The following CCDC88A variants were observed in gnomAD, a reference collection of about 807,000 sequenced individuals.
CCDC88A encodes the protein girdin.
In CCDC88A, 54 loss-of-function variants were observed where a neutral mutation model predicts 234.3. The observed-to-expected ratio is 0.23, with a 90% confidence interval of 0.19 to 0.29. CCDC88A has a LOEUF of 0.29. CCDC88A is among the 10% of genes least tolerant of loss of function. CCDC88A has a pLI of 1.00. For synonymous variants in CCDC88A, 753 were observed against 737.8 expected (o/e 1.02, Z -0.33); for missense variants, 1,832 against 2,123.4 (o/e 0.86, Z 2.70).
intron 2 of CCDC88A, chr2:55,418,170 T>G (rs143662755): frequency 6.6e-6 from 1 of 152,276 alleles, no homozygotes; most frequent in African/African-American, 2.4e-5. Context: ...TAAGTCGTTA[T>G]CTAATTGTTA....
chr2:55,321,250 T>C (rs1683597685), intron 18 of CCDC88A: 1 of 152,014 alleles, frequency 6.6e-6, no homozygotes, highest in South Asian at 2.1e-4. Context: ...TCTATGAACA[T>C]GTTTAAAAAT....
At chr2:55,340,669 A>G (rs1288760585) in intron 12 of CCDC88A, among the ~76,000 whole-genome samples, 1 of 152,216 alleles carries the variant, frequency 6.6e-6, no homozygotes, top group East Asian at 1.9e-4. Context: ...ATACACTACT[A>G]CTTATTTTGG....
At chr2:55,301,038 A>T (rs1284949462) in intron 28 of CCDC88A, 168 bp downstream of exon 28, 2 of 564,656 alleles carry the variant, frequency 3.5e-6, no homozygotes, top group East Asian at 6.6e-5. Context: ...ATCTTAAAAG[A>T]GGCAGAAGGG....
Position 55,344,385 on chromosome 2 carries a change from G to C in CCDC88A, c.1171C>G (p.Leu391Val), listed in dbSNP as rs1213935969. The change falls in exon 11 of 33, where the codon CTT becomes GTT. Residue 391 changes from leucine (L) to valine (V), a missense_variant. Leu to Val is a conservative substitution (Grantham distance 32, BLOSUM62 1). Coordinates refer to ENST00000436346, the MANE Select transcript of CCDC88A (RefSeq NM_001365480.1). ...EKENLQLKAK[L>V]HDMEMERDMD... ...AAACTTACCATTTCCATATCATGAA[G>C]TTTAGCTTTCAGTTGTAAGTTCTCT... is the stretch of plus-strand genomic sequence containing the variant. 1 of 1,584,602 alleles carries C rather than the reference G, an allele frequency of 6.3e-7. No individual in the cohort carries two copies. The highest frequency in any genetic ancestry group is 1.4e-5 in the African/African-American group (1 of 73,682).
chr2:55,391,291 T>C (rs1191150542), intron 2 of CCDC88A, among the ~76,000 whole-genome samples: 2 of 152,196 alleles, frequency 1.3e-5, no homozygotes, highest in Non-Finnish European at 2.9e-5. Flanking sequence ...ATCATGCTGA[T>C]TGCAAGTAAC....
chr2:55,367,382 T>G (rs1672129650), intron 5 of CCDC88A, among the ~76,000 whole-genome samples: 1 of 152,088 alleles, frequency 6.6e-6, no homozygotes, highest in African/African-American at 2.4e-5. Flanking sequence ...ACTATATACT[T>G]AAAAAATTGT....
At chr2:55,347,851 A>T (rs1669366054) in intron 9 of CCDC88A, among the ~76,000 whole-genome samples, 1 of 151,852 alleles carries the variant, frequency 6.6e-6, no homozygotes, top group Non-Finnish European at 1.5e-5. Context: ...GCCTCAAGTG[A>T]TCTGCCTGCC....
chr2:55,303,229 A>G (rs1681105403), intron 25 of CCDC88A, 77 bp from the exon 26 acceptor site: 4 of 848,478 alleles, frequency 4.7e-6, no homozygotes, highest in Admixed American at 4.0e-5. Flanking sequence ...TGGGAGTTAA[A>G]TGTTGAAATT....
At chr2:55,416,443 A>AATATATATATATAT (rs60840841) in intron 2 of CCDC88A, among the ~76,000 whole-genome samples, 2 of 15,802 alleles carry the variant, frequency 1.3e-4, no homozygotes, top group South Asian at 3.2e-3. Flanking sequence ...TAAATAAATA[A>AATATATATATATAT]ATATATATAT....
Position 55,334,652 on chromosome 2 carries a change from T to C in CCDC88A, c.2169A>G (p.Leu723=), listed in dbSNP as rs766248605. ...TTTCCAGTTCTTTGTTTTCTAGCTG[T>C]AGCTGAGCCATTTTCATGCTTGCAC... ...LKCASMKMAQ[L]QLENKELESE... The change falls in exon 15 of 33, where the codon CTA becomes CTG. Residue 723 remains leucine (L), a synonymous_variant. Coordinates refer to ENST00000436346, the MANE Select transcript of CCDC88A (RefSeq NM_001365480.1). The surrounding 1 kb of genome is among the most constrained non-coding windows in gnomAD (Gnocchi z 6.1). 1 of 1,613,786 alleles carries C rather than the reference T, an allele frequency of 6.2e-7. No individual in the cohort carries two copies. The highest frequency in any genetic ancestry group is 8.5e-7 in the Non-Finnish European group (1 of 1,179,846).
Position 55,322,537 on chromosome 2 carries a change from T to A in CCDC88A, c.3153A>T (p.Val1051=), listed in dbSNP as rs757415434. The change falls in exon 18 of 33, where the codon GTA becomes GTT. Residue 1051 remains valine, a synonymous_variant. Transcript: ENST00000436346. The part of the protein sequence containing the change: ...LLKVKDRLIE[V]ERNNATLQAE... ...ATTTAAAAATACTTACATTTCTTTC[T>A]ACTTCAATTAATCTGTCTTTAACTT... The A allele has an allele frequency of 1.3e-5, 21 of 1,575,052 alleles. No individual in the cohort carries two copies. The highest frequency in any genetic ancestry group is 1.8e-5 in the Non-Finnish European group (21 of 1,156,628).
chr2:55,374,243 C>T (rs969537087), intron 4 of CCDC88A, among the ~76,000 whole-genome samples: 2 of 152,072 alleles, frequency 1.3e-5, no homozygotes, highest in African/African-American at 4.8e-5. Flanking sequence ...GTGACCACGC[C>T]TATAATTCCA....
At position 55,289,804 on chromosome 2, in the gene CCDC88A, A is replaced by T. The variant is rs1209774538; in HGVS notation, c.*1396T>A. The T allele has an allele frequency of 7.0e-6, 1 of 143,472 alleles. No homozygotes were observed. Among genetic ancestry groups the T allele is most frequent in the African/African-American group, 2.6e-5 (1 of 39,112 alleles). 8.9% of individuals were successfully genotyped at this position (143,472 alleles called of 1,614,324 possible). A position where few individuals can be genotyped will look rare whatever the true frequency, so the allele number is the denominator to read the frequency against. On this transcript the variant is annotated 3_prime_UTR_variant, in exon 33 of 33. Coordinates refer to ENST00000436346, the MANE Select transcript of CCDC88A (RefSeq NM_001365480.1). ...GAGAGAGAGAGAGAGAGAGAGAGAG[A>T]CTTTTCTTATGGTTACTGGGTTAGT...
At position 55,419,283 on chromosome 2, in the gene CCDC88A, G is replaced by C. The variant is rs1348073705; in HGVS notation, c.-204C>G. 1.8e-6 allele frequency: 1 copy of C among 549,412 alleles called. No individual in the cohort carries two copies. The highest frequency in any genetic ancestry group is 3.3e-6 in the Non-Finnish European group (1 of 307,324). The allele number at this position is 549,412 out of a possible 1,614,324, so 34.0% of individuals were successfully genotyped here. A position where few individuals can be genotyped will look rare whatever the true frequency, so the allele number is the denominator to read the frequency against. The stretch of plus-strand genomic sequence containing the variant: ...CGAAATCCCAAGAAGTGGCTTCGAC[G>C]ACGGACACCACGAGCAGCAGCCTGC... On this transcript the variant is annotated 5_prime_UTR_variant, in exon 1 of 33. Transcript: ENST00000436346.
In CCDC88A at chr2:55,334,805, A is replaced by G. The variant is rs1416500887; in HGVS notation, c.2016T>C (p.Asn672=). 1.9e-6 allele frequency: 3 copies of G among 1,577,020 alleles called. No homozygotes were observed. Among genetic ancestry groups the G allele is most frequent in the Non-Finnish European group, 1.7e-6 (2 of 1,162,824 alleles). ...EQENSELERE[N]RKLKKTLDSF... The stretch of plus-strand genomic sequence containing the variant: ...TATCCAATGTTTTTTTTAATTTTCT[A>G]TTTTCTCTTTCTAGCTCTGAATTTT... The change falls in exon 15 of 33, where the codon AAT becomes AAC. Residue 672 remains asparagine, a synonymous_variant. Transcript: ENST00000436346. The surrounding 1 kb of genome is among the most constrained non-coding windows in gnomAD (Gnocchi z 6.1).
At position 55,419,052 on chromosome 2, in the gene CCDC88A, G is replaced by C. The variant is rs753745458; in HGVS notation, c.28C>G (p.Leu10Val). Residue 10 changes from leucine (L) to valine (V), a missense_variant, in exon 1 of 33, where the codon CTG (leucine) becomes GTG (valine). Around this residue, in one of 6 missense-constraint regions of CCDC88A, gnomAD observed 36 missense variants for 44.0 expected, o/e 0.82. Coordinates refer to ENST00000436346, the MANE Select transcript of CCDC88A (RefSeq NM_001365480.1). The part of the protein sequence containing the change: MENEIFTPL[L>V]EQFMTSPLVT... ...AAAGGGCTGGTCATGAACTGCTCCA[G>C]AAGGGGAGTAAAAATTTCGTTCTCC... 41 of 1,613,088 alleles carry C rather than the reference G, an allele frequency of 2.5e-5. No individual in the cohort carries two copies. In the South Asian group the frequency reaches 4.5e-4, roughly 18 times the overall value.
At chr2:55,415,387 G>A (rs991762729) in intron 2 of CCDC88A, among the ~76,000 whole-genome samples, 9 of 151,918 alleles carry the variant, frequency 5.9e-5, no homozygotes, top group African/African-American at 1.5e-4. Flanking sequence ...AACAACTGGG[G>A]GGAAAAAAAG....
At chr2:55,370,840 TC>T (rs1334845741) in intron 5 of CCDC88A, among the ~76,000 whole-genome samples, 3 of 115,604 alleles carry the variant, frequency 2.6e-5, no homozygotes, top group Non-Finnish European at 5.1e-5. Flanking sequence ...AGGCCCCATT[TC>T]TTAAAAAAAA....
chr2:55,400,547 G>A (rs1204593681), intron 2 of CCDC88A, among the ~76,000 whole-genome samples: 1 of 152,032 alleles, frequency 6.6e-6, no homozygotes. Context: ...AATAATAAAC[G>A]GACAGTAGTA....
Sources: allele counts gnomAD v4.1 joint callset (sites outside exome capture counted in the v4.1 genomes callset), GRCh38; gene constraint gnomAD v4.1.1; regional missense constraint gnomAD v4.1.1; non-coding constraint Gnocchi (gnomAD v3.1); transcripts MANE v1.5; gene names NCBI Gene and HGNC (gene_info 2026-07-23, HGNC 2026-07-21).